The following PDE6B variants were observed in gnomAD, a reference collection of about 807,000 sequenced individuals.
PDE6B encodes phosphodiesterase 6B.
In PDE6B, 106 loss-of-function variants were observed where a neutral mutation model predicts 109.0. The ratio of observed to expected loss-of-function variants is 0.97; its 90% CI spans 0.83 to 1.14. PDE6B has a LOEUF of 1.14. Among genes scored for constraint, PDE6B ranks in the 50% most tolerant of loss-of-function variants. The pLI, the probability that PDE6B is intolerant of heterozygous loss-of-function variation, is 0.00. For synonymous variants in PDE6B, 490 were observed against 471.3 expected (o/e 1.04, Z -0.51); for missense variants, 1,193 against 1,155.6 (o/e 1.03, Z -0.47).
chr4:658,050 GTGGGGGCAGGTCGTC>G (rs2109224836), intron 10 of PDE6B, among the ~76,000 whole-genome samples: 2 of 137,248 alleles, frequency 1.5e-5, no homozygotes, highest in East Asian at 4.5e-4. Context: ...CGGCTGTGTG[GTGGGGGCAGGTCGTC>G]CAGGGGTCCA....
intron 20 of PDE6B, 76 bp from the exon 21 acceptor site, chr4:667,780 G>T (rs1737964792): frequency 6.7e-7 from 1 of 1,490,522 alleles, no homozygotes; most frequent in Non-Finnish European, 9.3e-7. Flanking sequence ...CGAGGGGGAT[G>T]AGCTGGGGAA....
At chr4:640,352 A>G (rs1032130951) in intron 3 of PDE6B, among the ~76,000 whole-genome samples, 5 of 152,158 alleles carry the variant, frequency 3.3e-5, no homozygotes, top group African/African-American at 1.2e-4. Flanking sequence ...CCTGGCCAAG[A>G]TGGTGAAACC....
chr4:635,787 C>G (rs575477559), intron 2 of PDE6B, 93 bp from the exon 3 acceptor site: 1 of 757,078 alleles, frequency 1.3e-6, no homozygotes, highest in Non-Finnish European at 2.4e-6. Context: ...TCTGGGCACC[C>G]TCAGGCGAGC....
chr4:662,267 G>C lies in PDE6B; in HGVS notation c.1722+26G>C, dbSNP rs1006707862. ...GTACGTGGCTGCCAGAATCACCAGG[G>C]TTGTGCAGGCCCTCCTGGTACCAAG... On this transcript the variant is annotated intron_variant, in intron 13 of 21. Coordinates refer to ENST00000496514, the MANE Select transcript of PDE6B (RefSeq NM_000283.4). This position sits in a 1 kb window ranked among gnomAD's most constrained non-coding sequence, Gnocchi z 4.3. 2.3e-6 allele frequency: 3 copies of C among 1,311,052 alleles called. No homozygotes were observed. The highest frequency in any genetic ancestry group is 1.1e-6 in the Non-Finnish European group (1 of 927,118). 81.2% of individuals were successfully genotyped at this position (1,311,052 alleles called of 1,614,324 possible). A position where few individuals can be genotyped will look rare whatever the true frequency, so the allele number is the denominator to read the frequency against.
At chr4:628,390 G>C (rs553708867) in intron 1 of PDE6B, among the ~76,000 whole-genome samples, 3 of 152,354 alleles carry the variant, frequency 2.0e-5, no homozygotes, top group African/African-American at 7.2e-5. Flanking sequence ...CCTCAGACGG[G>C]GCGTGGGTGG....
chr4:661,066 G>T (rs1737045915), intron 12 of PDE6B: 1 of 188,632 alleles, frequency 5.3e-6, no homozygotes. Flanking sequence ...TAGTTAGATG[G>T]TTGGATAAGT....
At chr4:646,644 C>T (rs1387857534) in intron 3 of PDE6B, among the ~76,000 whole-genome samples, 1 of 152,030 alleles carries the variant, frequency 6.6e-6, no homozygotes, top group Non-Finnish European at 1.5e-5. Flanking sequence ...CTCGTGGTTC[C>T]CTCTGCGTTT....
At chr4:628,052 G>C (rs572093642) in intron 1 of PDE6B, among the ~76,000 whole-genome samples, 3 of 152,288 alleles carry the variant, frequency 2.0e-5, no homozygotes, top group Admixed American at 6.5e-5. Flanking sequence ...TGTAGCTGGT[G>C]CCATTCCAAG....
Position 660,491 on chromosome 4 carries a change from A to G in PDE6B, c.1492A>G (p.Thr498Ala). The change falls in exon 12 of 22, where the codon ACA (threonine) becomes GCA (alanine). Residue 498 changes from threonine to alanine, a missense_variant. Transcript: ENST00000496514. ...GAAGGAGGAGCTGCCAGGGCCCACC[A>G]CATTTGACATCTACGAATTCCACTT... ...ILKEELPGPT[T>A]FDIYEFHFSD... The G allele has an allele frequency of 6.2e-7, 1 of 1,613,938 alleles. No individual in the cohort carries two copies. The highest frequency in any genetic ancestry group is 8.5e-7 in the Non-Finnish European group (1 of 1,179,970).
Position 666,505 on chromosome 4 carries a change from C to T in PDE6B, c.2269-26C>T, listed in dbSNP as rs1308003644. ...AGGAGCTGCCTCCCTGGTCACTGTTCTCCCGCCCTCTGTTCCTCCCACCAG... is the reference window on the plus strand; with the variant it reads ...AGGAGCTGCCTCCCTGGTCACTGTTTTCCCGCCCTCTGTTCCTCCCACCAG... On this transcript the variant is annotated intron_variant, in intron 19 of 21. Coordinates refer to ENST00000496514, the MANE Select transcript of PDE6B (RefSeq NM_000283.4). This position sits in a 1 kb window ranked among gnomAD's most constrained non-coding sequence, Gnocchi z 5.6. 5.1e-6 allele frequency: 8 copies of T among 1,561,634 alleles called. No individual in the cohort carries two copies. Among genetic ancestry groups the T allele is most frequent in the Non-Finnish European group, 7.1e-6 (8 of 1,132,936 alleles).
chr4:653,170 C>G (rs1262655372), intron 3 of PDE6B: 2 of 996,326 alleles, frequency 2.0e-6, no homozygotes, highest in South Asian at 8.9e-5. Context: ...GAGAGCTGGG[C>G]TAGGACACCG....
intron 11 of PDE6B, among the ~76,000 whole-genome samples, chr4:659,283 G>A (rs951728673): frequency 2.0e-5 from 3 of 152,188 alleles, no homozygotes; most frequent in Non-Finnish European, 4.4e-5. Context: ...GTGTATCTTC[G>A]TGTCTTCCTG....
intron 1 of PDE6B, among the ~76,000 whole-genome samples, chr4:628,348 G>A (rs184315318): frequency 4.6e-5 from 7 of 152,342 alleles, no homozygotes; most frequent in African/African-American, 1.7e-4. Flanking sequence ...GGCCAGTTCA[G>A]GAGAGCAGCT....
chr4:659,297 C>T (rs1736743923), intron 11 of PDE6B, among the ~76,000 whole-genome samples: 1 of 152,200 alleles, frequency 6.6e-6, no homozygotes, highest in African/African-American at 2.4e-5. Flanking sequence ...CTTCCTGTCT[C>T]CTCTGTGCTT....
At position 625,603 on chromosome 4, in the gene PDE6B, C is replaced by A. The variant is rs754323751; in HGVS notation, c.-24C>A. 3.3e-6 allele frequency: 5 copies of A among 1,517,740 alleles called. No individual in the cohort carries two copies. The highest frequency in any genetic ancestry group is 1.7e-5 in the Admixed American group (1 of 59,880). The allele number at this position is 1,517,740 out of a possible 1,614,324, so 94.0% of individuals were successfully genotyped here. On this transcript the variant is annotated 5_prime_UTR_variant, in exon 1 of 22. Transcript: ENST00000496514. The surrounding 1 kb of genome is among the most constrained non-coding windows in gnomAD (Gnocchi z 5.0). ...AGTCCATGCGTGCCTGGAGCAGCAG[C>A]GTCTCCAGGGACAGGCAGCCACCAT...
At chr4:646,493 G>A (rs1404427855) in intron 3 of PDE6B, among the ~76,000 whole-genome samples, 2 of 151,902 alleles carry the variant, frequency 1.3e-5, no homozygotes, top group African/African-American at 4.9e-5. Context: ...CTAGACGCGC[G>A]GTTTGGTGTC....
intron 3 of PDE6B, among the ~76,000 whole-genome samples, chr4:643,917 T>TA (rs1272636750): frequency 2.1e-5 from 3 of 142,460 alleles, no homozygotes; most frequent in Non-Finnish European, 4.6e-5. Flanking sequence ...TAGTTCAAAA[T>TA]CTTTTTTTTT....
In PDE6B at chr4:648,990, G is replaced by A. The variant is rs1735351690; in HGVS notation, c.712-4862G>A. Among the ~76,000 whole-genome samples, 1 of 152,220 alleles carries A rather than the reference G, an allele frequency of 6.6e-6. No homozygotes were observed. Among genetic ancestry groups the A allele is most frequent in the Non-Finnish European group, 1.5e-5 (1 of 68,036 alleles). ...GAAGTGAGAGGCGGCCAGGAGGGGC[G>A]GGCGTGGTCTGTCCACACCGGGCAG... On this transcript the variant is annotated intron_variant, in intron 3 of 21. Coordinates refer to ENST00000496514, the MANE Select transcript of PDE6B (RefSeq NM_000283.4). This position sits in a 1 kb window ranked among gnomAD's most constrained non-coding sequence, Gnocchi z 4.5.
chr4:667,016 C>T (rs762911455), intron 20 of PDE6B, among the ~76,000 whole-genome samples: 1 of 152,216 alleles, frequency 6.6e-6, no homozygotes, highest in Admixed American at 6.5e-5. Context: ...GGGGCTGGGT[C>T]GGCCTGTCTG....
Sources: gnomAD v4.1 joint callset for allele counts (sites outside exome capture counted in the v4.1 genomes callset) on GRCh38, gnomAD v4.1.1 for gene constraint, Gnocchi (gnomAD v3.1) non-coding constraint, MANE v1.5 for transcripts, NCBI Gene and HGNC (gene_info 2026-07-23, HGNC 2026-07-21) for gene names.